Variants in CA10 observed in about 807,000 individuals in gnomAD.
CA10 encodes the protein carbonic anhydrase 10 (inactive).
A neutral mutation model predicts 44.2 loss-of-function variants in CA10; 14 were observed. The observed-to-expected ratio is 0.32, with a 90% CI of 0.21 to 0.50. CA10 has a LOEUF of 0.50. Ranked by LOEUF, CA10 falls within the 20% of genes least tolerant of loss-of-function variation. The pLI, the probability that CA10 is intolerant of heterozygous loss-of-function variation, is 0.99. For synonymous variants in CA10, 159 were observed against 141.6 expected (o/e 1.12, Z -0.87); for missense variants, 350 against 409.7 (o/e 0.85, Z 1.26).
In CA10 at chr17:51,827,468, A is replaced by G. The variant is rs74624734; in HGVS notation, c.280-79650T>C. 3.2e-3 allele frequency among the ~76,000 whole-genome samples: 487 copies of G among 152,332 alleles called. 1 individual carries two copies. Among genetic ancestry groups the G allele is most frequent in the African/African-American group, 0.011 (468 of 41,578 alleles). ...TTGGTCTTAGAATTGATGGAATATG[A>G]TAACATGTAGACATTACAAGCTTTC... is the stretch of plus-strand genomic sequence containing the variant. On this transcript the variant is annotated intron_variant, in intron 3 of 8. Transcript: ENST00000451037.
At chr17:51,820,206 AC>A (rs1219938772) in intron 3 of CA10, among the ~76,000 whole-genome samples, 1 of 80,204 alleles carries the variant, frequency 1.2e-5, no homozygotes, top group East Asian at 4.5e-4. Context: ...CCCAGGTAAT[AC>A]CCCCTTCAAC....
At chr17:51,852,299 C>T (rs567891675) in intron 3 of CA10, among the ~76,000 whole-genome samples, 4 of 152,156 alleles carry the variant, frequency 2.6e-5, no homozygotes, top group African/African-American at 9.7e-5. Flanking sequence ...GGAGATTGGG[C>T]TTGTCTGTGT....
At chr17:51,749,206 A>G (rs1007739045) in intron 3 of CA10, among the ~76,000 whole-genome samples, 9 of 152,040 alleles carry the variant, frequency 5.9e-5, no homozygotes, top group Non-Finnish European at 1.2e-4. Flanking sequence ...CTATAACTAC[A>G]CTCCCAACAA....
At chr17:52,117,772 A>C (rs1334001054) in intron 1 of CA10, among the ~76,000 whole-genome samples, 3 of 152,246 alleles carry the variant, frequency 2.0e-5, no homozygotes, top group Non-Finnish European at 4.4e-5. Flanking sequence ...GAACAGTAAA[A>C]TGTGTTTTTA....
chr17:51,944,456 C>A (rs1016951445), intron 2 of CA10, among the ~76,000 whole-genome samples: 19 of 152,072 alleles, frequency 1.2e-4, no homozygotes, highest in African/African-American at 4.6e-4. Context: ...CAATAAGCTG[C>A]ATTTAAAAAC....
intron 1 of CA10, among the ~76,000 whole-genome samples, chr17:52,099,432 C>T (rs76420187): frequency 0.011 from 1,650 of 152,268 alleles, 24 homozygotes; most frequent in African/African-American, 0.038. Context: ...CTCTGTAAGG[C>T]TCCAGATAGA....
At chr17:51,895,624 C>G (rs1185516940) in intron 3 of CA10, among the ~76,000 whole-genome samples, 1 of 151,962 alleles carries the variant, frequency 6.6e-6, no homozygotes, top group East Asian at 1.9e-4. Flanking sequence ...AGTAGGTAGT[C>G]ATAAAACAGA....
chr17:51,768,414 A>G (rs1905469753), intron 3 of CA10, among the ~76,000 whole-genome samples: 2 of 152,158 alleles, frequency 1.3e-5, no homozygotes, highest in African/African-American at 4.8e-5. Flanking sequence ...TGAAGTTTCT[A>G]CGATTGCCAA....
At chr17:51,854,978 CAG>C (rs1456936808) in intron 3 of CA10, among the ~76,000 whole-genome samples, 1 of 152,110 alleles carries the variant, frequency 6.6e-6, no homozygotes, top group Non-Finnish European at 1.5e-5. Context: ...CAGGTAACTC[CAG>C]AGTCAGTGCT....
intron 1 of CA10, among the ~76,000 whole-genome samples, chr17:52,154,248 AG>A (rs1277757537): frequency 6.6e-6 from 1 of 152,216 alleles, no homozygotes; most frequent in Admixed American, 6.5e-5. Flanking sequence ...ATTTTGACTC[AG>A]GTAGACCTGG....
intron 2 of CA10, among the ~76,000 whole-genome samples, chr17:51,996,913 A>G (rs547477851): frequency 6.6e-6 from 1 of 151,970 alleles, no homozygotes; most frequent in Non-Finnish European, 1.5e-5. Context: ...AACTTCTGTA[A>G]TATGCACAAC....
intron 2 of CA10, among the ~76,000 whole-genome samples, chr17:51,935,820 A>G (rs1982842943): frequency 6.6e-6 from 1 of 152,164 alleles, no homozygotes; most frequent in African/African-American, 2.4e-5. Context: ...ACACCTTGGC[A>G]ACGTCTGGAC....
At chr17:51,695,763 C>T (rs774759360) in intron 4 of CA10, among the ~76,000 whole-genome samples, 8 of 152,136 alleles carry the variant, frequency 5.3e-5, no homozygotes, top group Non-Finnish European at 1.0e-4. Flanking sequence ...GGGAATGCTT[C>T]CAGCTTTTGC....
At chr17:51,735,375 C>T (rs1916866296) in intron 4 of CA10, among the ~76,000 whole-genome samples, 1 of 152,008 alleles carries the variant, frequency 6.6e-6, no homozygotes, top group African/African-American at 2.4e-5. Flanking sequence ...ACACTGAGGA[C>T]TACTGGAGGG....
chr17:52,062,888 G>A (rs1418858406), intron 2 of CA10, among the ~76,000 whole-genome samples: 1 of 152,174 alleles, frequency 6.6e-6, no homozygotes, highest in East Asian at 1.9e-4. Flanking sequence ...CCACACTTCA[G>A]ACACCAGAAT....
chr17:52,015,373 A>T (rs1485275945), intron 2 of CA10, among the ~76,000 whole-genome samples: 2 of 152,148 alleles, frequency 1.3e-5, no homozygotes, highest in Non-Finnish European at 2.9e-5. Context: ...CTTAAAAGCA[A>T]ATGGAATTTG....
intron 3 of CA10, among the ~76,000 whole-genome samples, chr17:51,930,247 C>T (rs1344407565): frequency 2.6e-5 from 4 of 151,978 alleles, no homozygotes; most frequent in Non-Finnish European, 5.9e-5. Context: ...GCTAAATTAC[C>T]TTTGAACACA....
chr17:52,037,700 C>T (rs1986656786), intron 2 of CA10, among the ~76,000 whole-genome samples: 1 of 152,120 alleles, frequency 6.6e-6, no homozygotes, highest in African/African-American at 2.4e-5. Flanking sequence ...AGCCTCAACT[C>T]CTCTGACATT....
At chr17:51,680,232 G>A (rs1420743941) in intron 4 of CA10, among the ~76,000 whole-genome samples, 1 of 152,196 alleles carries the variant, frequency 6.6e-6, no homozygotes, top group African/African-American at 2.4e-5. Context: ...CCAGTGAGTA[G>A]GATCTGAGTG....
Sources: gnomAD v4.1 joint callset for allele counts (sites outside exome capture counted in the v4.1 genomes callset) on GRCh38, gnomAD v4.1.1 for gene constraint, MANE v1.5 for transcripts, NCBI Gene and HGNC (gene_info 2026-07-23, HGNC 2026-07-21) for gene names.